CYFIP1: variants seen among roughly 807,000 people sequenced by gnomAD.
CYFIP1 encodes the protein cytoplasmic FMR1 interacting protein 1, also known as cytoplasmic FMR1-interacting protein 1.
A neutral mutation model predicts 163.5 loss-of-function variants in CYFIP1; 58 were observed. The observed-to-expected ratio is 0.35, with a 90% CI of 0.29 to 0.44. CYFIP1 has a LOEUF of 0.44. Ranked by LOEUF, CYFIP1 falls within the 20% of genes least tolerant of loss-of-function variation. The probability of loss-of-function intolerance (pLI) is 1.00; values close to 1 mark genes in which losing one functional copy is unlikely to be tolerated. For missense variants in CYFIP1, 1,338 were observed against 1,653.8 expected (o/e 0.81, Z 3.31); for synonymous variants, 663 against 660.7 (o/e 1.00, Z -0.05).
intron 22 of CYFIP1, among the ~76,000 whole-genome samples, chr15:22,894,439 G>A (rs963165720): frequency 5.3e-5 from 8 of 151,646 alleles, no homozygotes; most frequent in African/African-American, 1.9e-4. Flanking sequence ...ACAGGCATGT[G>A]CCACCAACGC....
rs7170637 is a variant in CYFIP1 at position 22,903,836 on chromosome 15, C to T, written c.2458G>A (p.Gly820Ser). 0.18 allele frequency: 289,607 copies of T among 1,613,908 alleles called. 35,131 individuals are homozygous for T. The highest frequency in any genetic ancestry group is 0.62 in the African/African-American group (46,170 of 74,942). The change falls in exon 22 of 31, where the codon GGC becomes AGC. Residue 820 changes from glycine (G) to serine (S), a missense_variant. Coordinates refer to ENST00000617928, the MANE Select transcript of CYFIP1 (RefSeq NM_014608.6). ...GCCTCCCGGAACATGGCGTCGAAGC[C>T]GTCCAGCGTCAGGTACCGGCTCAGC... ...KLLSRYLTLDGFDAMFREANH... is the reference protein window; with the variant it reads ...KLLSRYLTLDSFDAMFREANH...
intron 1 of CYFIP1, chr15:22,951,618 T>TGGACACGCCC: frequency 1.7e-6 from 2 of 1,204,272 alleles, no homozygotes; most frequent in Non-Finnish European, 1.1e-6. Flanking sequence ...TGGGGGCGTG[T>TGGACACGCCC]CCAGTCATGC....
Position 22,872,805 on chromosome 15 carries a change from C to A in CYFIP1, c.3597+20G>T. The A allele has an allele frequency of 6.2e-7, 1 of 1,612,290 alleles. No homozygotes were observed. Among genetic ancestry groups the A allele is most frequent in the South Asian group, 1.1e-5 (1 of 90,958 alleles). On this transcript the variant is annotated intron_variant, in intron 30 of 30. Transcript: ENST00000617928. ...TTTTGCAAAAGGTCCATAGATGGTGCGAGATTTTCATCCACATACCACATT... is the reference window on the plus strand; with the variant it reads ...TTTTGCAAAAGGTCCATAGATGGTGAGAGATTTTCATCCACATACCACATT...
chr15:22,931,776 T>C (rs79013891), intron 11 of CYFIP1, among the ~76,000 whole-genome samples: 60 of 149,940 alleles, frequency 4.0e-4, no homozygotes, highest in African/African-American at 1.4e-3. Flanking sequence ...ATGGGTGCTT[T>C]TGAAGTACAG....
chr15:22,877,975 G>A (rs560005268), intron 26 of CYFIP1, among the ~76,000 whole-genome samples: 1 of 152,356 alleles, frequency 6.6e-6, no homozygotes, highest in South Asian at 2.1e-4. Context: ...TCAGTCCCCA[G>A]AGGCCTGGCA....
intron 30 of CYFIP1, among the ~76,000 whole-genome samples, chr15:22,871,700 T>A (rs1003437233): frequency 6.6e-6 from 1 of 152,174 alleles, no homozygotes; most frequent in African/African-American, 2.4e-5. Flanking sequence ...AGGAGAGACA[T>A]GGCAGAAGAC....
chr15:22,925,776 A>C (rs1172212318), intron 13 of CYFIP1, among the ~76,000 whole-genome samples: 1 of 152,070 alleles, frequency 6.6e-6, no homozygotes, highest in Non-Finnish European at 1.5e-5. Flanking sequence ...CCAGATTCGC[A>C]CCCAGGGAGC....
intron 1 of CYFIP1, among the ~76,000 whole-genome samples, chr15:22,979,394 C>G (rs2063389455): frequency 6.6e-6 from 1 of 152,116 alleles, no homozygotes; most frequent in Non-Finnish European, 1.5e-5. Context: ...CGGAGTCCGA[C>G]GGACGACTGC....
intron 9 of CYFIP1, among the ~76,000 whole-genome samples, chr15:22,936,348 T>C (rs902043009): frequency 5.3e-5 from 8 of 152,150 alleles, no homozygotes; most frequent in Non-Finnish European, 8.8e-5. Flanking sequence ...AGCAAAACAC[T>C]TGAAGTGGCA....
chr15:22,922,189 G>A (rs2061208322), intron 13 of CYFIP1, among the ~76,000 whole-genome samples: 1 of 152,096 alleles, frequency 6.6e-6, no homozygotes, highest in African/African-American at 2.4e-5. Context: ...TGTGCCTGGG[G>A]CCCCGGGCCT....
At chr15:22,876,243 G>A (rs1337510000) in intron 26 of CYFIP1, among the ~76,000 whole-genome samples, 2 of 151,966 alleles carry the variant, frequency 1.3e-5, no homozygotes, top group African/African-American at 4.8e-5. Context: ...GCAAAACTAA[G>A]ACCAAGAGGA....
In CYFIP1 at chr15:22,912,273, T is replaced by G; in HGVS notation, c.1988A>C (p.Tyr663Ser). 6.2e-7 allele frequency: 1 copy of G among 1,611,446 alleles called. No individual in the cohort carries two copies. Among genetic ancestry groups the G allele is most frequent in the Admixed American group, 1.7e-5 (1 of 59,560 alleles). The change falls in exon 18 of 31, where the codon TAC becomes TCC. Residue 663 changes from tyrosine (Y) to serine (S), a missense_variant and splice_region_variant. This residue lies in a region of CYFIP1 where 824 missense variants were observed against 995.7 expected (regional missense o/e 0.83). Transcript: ENST00000617928. ...GTACAGGTCCAGGGAGTAGAGCACG[T>G]ACCTGCAGAGGACAGCAGCAGTGTG... ...LETKEASMME[Y>S]VLYSLDLYND...
chr15:22,921,520 AAGAC>A (rs1251168094), intron 13 of CYFIP1, among the ~76,000 whole-genome samples: 5 of 152,040 alleles, frequency 3.3e-5, no homozygotes, highest in African/African-American at 4.8e-5. Flanking sequence ...AAAGAAAAAA[AAGAC>A]AGAGAAGCAG....
At chr15:22,926,375 T>C (rs1210802929) in intron 12 of CYFIP1, among the ~76,000 whole-genome samples, 1 of 152,130 alleles carries the variant, frequency 6.6e-6, no homozygotes, top group Non-Finnish European at 1.5e-5. Context: ...TCATCATCAT[T>C]TTAAAAAGGA....
chr15:22,929,127 G>C (rs2061450562), intron 11 of CYFIP1, among the ~76,000 whole-genome samples: 1 of 151,832 alleles, frequency 6.6e-6, no homozygotes, highest in Non-Finnish European at 1.5e-5. Context: ...AGCTGAGGCA[G>C]GAGAATTGCT....
intron 1 of CYFIP1, chr15:22,951,328 A>G (rs576575813): frequency 2.6e-6 from 3 of 1,160,638 alleles, no homozygotes; most frequent in Non-Finnish European, 3.3e-6. Flanking sequence ...TTCCCTCCAC[A>G]TCACAGCTTC....
rs370558689 is a variant in CYFIP1, at chr15:22,930,213, A to C, written c.1110+2010T>G. Among the ~76,000 whole-genome samples the C allele has an allele frequency of 2.7e-3, 407 of 150,508 alleles. 4 individuals carry two copies. The highest frequency in any genetic ancestry group is 9.5e-3 in the South Asian group (45 of 4,730). On this transcript the variant is annotated intron_variant, in intron 11 of 30. Coordinates refer to ENST00000617928, the MANE Select transcript of CYFIP1 (RefSeq NM_014608.6). ...AAAAAACACACAAAAAACACACACA[A>C]AAAAAAACACAAAAAAACACACACA...
At chr15:22,896,350 T>G (rs1175412718) in intron 22 of CYFIP1, among the ~76,000 whole-genome samples, 1 of 152,028 alleles carries the variant, frequency 6.6e-6, no homozygotes, top group Non-Finnish European at 1.5e-5. Flanking sequence ...TTATTGAGCT[T>G]CTTGTATCTG....
intron 16 of CYFIP1, among the ~76,000 whole-genome samples, chr15:22,916,223 T>C (rs1002822890): frequency 1.3e-5 from 2 of 152,144 alleles, no homozygotes; most frequent in African/African-American, 4.8e-5. Context: ...CAACCCCGCA[T>C]GGGTTGAAAA....
Sources: gnomAD v4.1 joint callset for allele counts (sites outside exome capture counted in the v4.1 genomes callset) on GRCh38, gnomAD v4.1.1 for gene constraint, gnomAD v4.1.1 regional missense constraint, MANE v1.5 for transcripts, NCBI Gene and HGNC (gene_info 2026-07-23, HGNC 2026-07-21) for gene names.